Variants in MCC observed in about 807,000 individuals in gnomAD.
MCC encodes MCC regulator of Wnt signaling pathway, also known as colorectal mutant cancer protein.
In MCC, 90 loss-of-function variants were observed where a neutral mutation model predicts 116.2. The observed-to-expected ratio is 0.77, with a 90% CI of 0.65 to 0.92. MCC has a LOEUF of 0.92. Among genes scored for constraint, MCC ranks in the 40% least tolerant of loss-of-function variants. The probability of loss-of-function intolerance (pLI) is 0.00; values close to 1 mark genes in which losing one functional copy is unlikely to be tolerated. For missense variants in MCC, 1,516 were observed against 1,312.2 expected (o/e 1.16, Z -2.40); for synonymous variants, 578 against 510.5 (o/e 1.13, Z -1.78).
intron 4 of MCC, among the ~76,000 whole-genome samples, chr5:113,146,655 T>G (rs187622885): frequency 6.6e-5 from 10 of 152,254 alleles, no homozygotes; most frequent in Non-Finnish European, 1.5e-5. Context: ...CAAAGTCAAT[T>G]ATTCAGTGAT....
intron 3 of MCC, among the ~76,000 whole-genome samples, chr5:113,183,004 T>C (rs1169128243): frequency 6.6e-6 from 1 of 152,158 alleles, no homozygotes; most frequent in Non-Finnish European, 1.5e-5. Flanking sequence ...GAGCTAAGTT[T>C]GGGAGAAGGA....
intron 3 of MCC, among the ~76,000 whole-genome samples, chr5:113,198,922 C>T (rs970739161): frequency 6.6e-5 from 10 of 151,988 alleles, no homozygotes; most frequent in African/African-American, 2.4e-4. Flanking sequence ...ATCAATAGGC[C>T]AGGGGCAGTG....
Position 113,085,183 on chromosome 5 carries a change from T to C in MCC, c.1526A>G (p.Asn509Ser), listed in dbSNP as rs756818504. Reference protein sequence around the residue: ...TGELSTSSSSNDIPIAKIAER... With the variant: ...TGELSTSSSSSDIPIAKIAER... ...ACTCACCTTGGCGATGGGAATGTCA[T>C]TGCTGCTGCTGCTTGTGCTCAGCTC... Residue 509 changes from asparagine to serine, a missense_variant, in exon 9 of 19, where the codon AAT becomes AGT. Asn to Ser is a conservative substitution (Grantham distance 46, BLOSUM62 1). Coordinates refer to ENST00000408903, the MANE Select transcript of MCC (RefSeq NM_001085377.2). 28 of 1,614,072 alleles carry C rather than the reference T, an allele frequency of 1.7e-5. No individual in the cohort carries two copies. Among genetic ancestry groups the C allele is most frequent in the South Asian group, 7.7e-5 (7 of 91,090 alleles).
chr5:113,030,609 G>C (rs1750885397), intron 17 of MCC, among the ~76,000 whole-genome samples: 1 of 152,128 alleles, frequency 6.6e-6, no homozygotes. Flanking sequence ...GAGTCCAGGA[G>C]GTCAAGACCA....
intron 1 of MCC, among the ~76,000 whole-genome samples, chr5:113,446,468 A>AT (rs1771221936): frequency 6.6e-6 from 1 of 152,224 alleles, no homozygotes; most frequent in Non-Finnish European, 1.5e-5. Flanking sequence ...AAGAAGACAT[A>AT]TAAGTGGCTG....
intron 3 of MCC, among the ~76,000 whole-genome samples, chr5:113,217,117 A>T (rs1287955637): frequency 6.6e-6 from 1 of 152,240 alleles, no homozygotes; most frequent in Non-Finnish European, 1.5e-5. Flanking sequence ...TTCAGGTGGT[A>T]GTTTCATATT....
intron 2 of MCC, among the ~76,000 whole-genome samples, chr5:113,377,536 G>A (rs1464597981): frequency 6.6e-6 from 1 of 152,148 alleles, no homozygotes; most frequent in Non-Finnish European, 1.5e-5. Flanking sequence ...CAGCTTGCAG[G>A]CAGAAAGAAC....
chr5:113,053,074 G>A (rs1438921953), intron 15 of MCC, among the ~76,000 whole-genome samples: 2 of 152,216 alleles, frequency 1.3e-5, no homozygotes, highest in Admixed American at 6.5e-5. Context: ...GCAAAGTGAT[G>A]TCTTGTTGTA....
At chr5:113,292,903 T>C (rs960321744) in intron 3 of MCC, among the ~76,000 whole-genome samples, 7 of 152,102 alleles carry the variant, frequency 4.6e-5, no homozygotes, top group Admixed American at 2.0e-4. Context: ...TGGGTTCTAG[T>C]TCAGATTTGA....
chr5:113,390,967 T>C (rs945141924), intron 1 of MCC, among the ~76,000 whole-genome samples: 31 of 151,680 alleles, frequency 2.0e-4, no homozygotes, highest in African/African-American at 6.6e-4. Context: ...TCTACAAATA[T>C]TGAAAGTATG....
intron 3 of MCC, chr5:113,323,068 T>C (rs538656499): frequency 2.7e-4 from 41 of 152,420 alleles, no homozygotes; most frequent in African/African-American, 8.7e-4. Context: ...TGCAGCCCCA[T>C]GGAGAGGCCC....
chr5:113,215,260 C>T (rs1452956856), intron 3 of MCC, among the ~76,000 whole-genome samples: 2 of 152,194 alleles, frequency 1.3e-5, no homozygotes, highest in African/African-American at 2.4e-5. Flanking sequence ...TCTATTTCCT[C>T]TACTAGACTT....
chr5:113,436,042 T>G (rs1324173819), intron 1 of MCC: 1 of 152,520 alleles, frequency 6.6e-6, no homozygotes, highest in African/African-American at 2.4e-5. Context: ...GATTTGACTT[T>G]GGCCTCATCC....
At chr5:113,420,263 A>G (rs1770291641) in intron 1 of MCC, among the ~76,000 whole-genome samples, 1 of 140,930 alleles carries the variant, frequency 7.1e-6, no homozygotes. Context: ...CATAGAAGAA[A>G]AAAAGCAAGT....
At position 113,434,814 on chromosome 5, in the gene MCC, C is replaced by T. The variant is rs762478599; in HGVS notation, c.171-49602G>A. 5.0e-6 allele frequency: 8 copies of T among 1,610,880 alleles called. No individual in the cohort carries two copies. Among genetic ancestry groups the T allele is most frequent in the East Asian group, 2.2e-5 (1 of 44,782 alleles). ...ATTTATCCCCAGGAGGTAGCCTCGT[C>T]GCTTGAGGACAGCAGCGTCATCCAT... is the stretch of plus-strand genomic sequence containing the variant. On this transcript the variant is annotated intron_variant, in intron 1 of 18. Coordinates refer to ENST00000408903, the MANE Select transcript of MCC (RefSeq NM_001085377.2). This position sits in a 1 kb window ranked among gnomAD's most constrained non-coding sequence, Gnocchi z 4.2.
chr5:113,192,004 C>T (rs145784939), intron 3 of MCC, among the ~76,000 whole-genome samples: 4 of 152,304 alleles, frequency 2.6e-5, no homozygotes, highest in African/African-American at 4.8e-5. Flanking sequence ...TTCTTTATGA[C>T]GTATGCAAGA....
chr5:113,433,786 C>T, intron 1 of MCC: 2 of 1,613,946 alleles, frequency 1.2e-6, no homozygotes, highest in Non-Finnish European at 8.5e-7. Flanking sequence ...TCCTCTGTCT[C>T]CATAGTCGAC....
chr5:113,071,088 G>GCTTCGCGCTGTCTT lies in MCC; in HGVS notation c.1925+5_1925+6insAAGACAGCGCGAAG, dbSNP rs1554112908. On this transcript the variant is annotated splice_donor_region_variant and intron_variant, in intron 12 of 18. Coordinates refer to ENST00000408903, the MANE Select transcript of MCC (RefSeq NM_001085377.2). ...AGTAGCTCCAAACATCCCAGTGTGT[G>GCTTCGCGCTGTCTT]CCTACCTGTACTGCAAGGCCAGCCT... The GCTTCGCGCTGTCTT allele has an allele frequency of 6.3e-7, 1 of 1,599,790 alleles. No individual in the cohort carries two copies. Among genetic ancestry groups the GCTTCGCGCTGTCTT allele is most frequent in the African/African-American group, 1.3e-5 (1 of 74,398 alleles).
chr5:113,243,535 G>A (rs1351401789), intron 3 of MCC, among the ~76,000 whole-genome samples: 1 of 152,196 alleles, frequency 6.6e-6, no homozygotes, highest in Non-Finnish European at 1.5e-5. Flanking sequence ...GGTATTAAAT[G>A]AAAGCACATA....
Sources: allele counts gnomAD v4.1 joint callset (sites outside exome capture counted in the v4.1 genomes callset), GRCh38; gene constraint gnomAD v4.1.1; non-coding constraint Gnocchi (gnomAD v3.1); transcripts MANE v1.5; gene names NCBI Gene and HGNC (gene_info 2026-07-23, HGNC 2026-07-21).